The following IMPG1 variants were observed in gnomAD, a reference collection of about 807,000 sequenced individuals.
IMPG1 encodes the protein interphotoreceptor matrix proteoglycan of 150 kDa.
IMPG1 carries 85 observed loss-of-function variants against 92.0 expected under a neutral mutation model. That is an observed-to-expected ratio of 0.92 (90% CI 0.78 to 1.11). IMPG1 has a LOEUF of 1.11. Ranked by LOEUF, IMPG1 falls within the 50% of genes least tolerant of loss-of-function variation. IMPG1 has a pLI of 0.00. For synonymous variants in IMPG1, 367 were observed against 334.1 expected, an observed-to-expected ratio of 1.10 and a Z score of -1.08; for missense variants, 1,022 against 956.0, an observed-to-expected ratio of 1.07 and a Z score of -0.91.
At chr6:75,930,097 A>G (rs1001539254) in intron 15 of IMPG1, among the ~76,000 whole-genome samples, 6 of 152,216 alleles carry the variant, frequency 3.9e-5, no homozygotes, top group Non-Finnish European at 7.3e-5. Context: ...TCATAAGGCC[A>G]CCTTCATAAC....
In IMPG1 at chr6:76,072,452, A is replaced by G. The variant is rs1188676763; in HGVS notation, c.37T>C (p.Trp13Arg). The change falls in exon 1 of 17, where the codon TGG becomes CGG. Residue 13 changes from tryptophan to arginine, a missense_variant. By Grantham distance (101) the Trp-to-Arg change is moderately radical. Coordinates refer to ENST00000369950, the MANE Select transcript of IMPG1 (RefSeq NM_001563.4). ...LETRRAIFVF[W>R]IFLQVQGTKD... Reference sequence around the variant, plus strand: ...GTTCCTTGAACTTGGAGAAAAATCCAAAAAACAAAAATAGCTCTTCTAGTT... The same window carrying G: ...GTTCCTTGAACTTGGAGAAAAATCCGAAAAACAAAAATAGCTCTTCTAGTT... 1.3e-6 allele frequency: 2 copies of G among 1,598,620 alleles called. No homozygotes were observed. The highest frequency in any genetic ancestry group is 2.2e-5 in the South Asian group (2 of 89,476).
chr6:75,993,142 G>GGTGTTGTTAATTAGTTATTAACAACTAT (rs1252488987), intron 12 of IMPG1, among the ~76,000 whole-genome samples: 8 of 151,970 alleles, frequency 5.3e-5, no homozygotes, highest in Admixed American at 2.0e-4. Context: ...TGGAAATTCT[G>GGTGTTGTTAATTAGTTATTAACAACTAT]GTGTTGTTAA....
chr6:76,043,429 G>A (rs534829457), intron 1 of IMPG1, among the ~76,000 whole-genome samples: 86 of 152,252 alleles, frequency 5.6e-4, no homozygotes, highest in African/African-American at 1.8e-3. Context: ...GGTGGAGAAA[G>A]TCCGCCTGGG....
chr6:75,992,104 A>T (rs1782821934), intron 12 of IMPG1, among the ~76,000 whole-genome samples: 1 of 152,218 alleles, frequency 6.6e-6, no homozygotes, highest in African/African-American at 2.4e-5. Flanking sequence ...CCTCAATAGG[A>T]AAAAGACTGA....
Position 75,974,401 on chromosome 6 carries a change from T to TTCCTTCCTTGC in IMPG1, c.1292-23308_1292-23307insGCAAGGAAGGA, listed in dbSNP as rs59220395. 2.5e-3 allele frequency among the ~76,000 whole-genome samples: 233 copies of TTCCTTCCTTGC among 92,818 alleles called. 7 individuals are homozygous for TTCCTTCCTTGC. Among genetic ancestry groups the TTCCTTCCTTGC allele is most frequent in the Middle Eastern group, 4.8e-3 (1 of 208 alleles). 60.9% of individuals were successfully genotyped at this position (92,818 alleles called of 152,430 possible). ...TTTCTTTCTTTCTTTCTTTTCTTTC[T>TTCCTTCCTTGC]TTCCTTCCTTCCTTCCTTCCTTCCT... On this transcript the variant is annotated intron_variant, in intron 12 of 16. Transcript: ENST00000369950.
rs537076957 is a variant in IMPG1 at position 76,068,054 on chromosome 6, G to A, written c.67+4368C>T. On this transcript the variant is annotated intron_variant, in intron 1 of 16. Transcript: ENST00000369950. Reference sequence around the variant, plus strand: ...AACATACCTCAAAATAATTAAAGCCGTGTATGACAAACCCACAGCTAACAT... The same window carrying A: ...AACATACCTCAAAATAATTAAAGCCATGTATGACAAACCCACAGCTAACAT... 3.3e-5 allele frequency among the ~76,000 whole-genome samples: 5 copies of A among 152,148 alleles called. No individual in the cohort carries two copies. In the East Asian group the frequency reaches 9.7e-4, roughly 29 times the overall value.
chr6:75,944,641 T>C (rs865786708), intron 14 of IMPG1, among the ~76,000 whole-genome samples: 1 of 152,228 alleles, frequency 6.6e-6, no homozygotes, highest in Admixed American at 6.5e-5. Context: ...ATTTTGTCAC[T>C]CTCCAGGTAT....
chr6:76,011,372 T>C (rs1783181868), intron 7 of IMPG1, 148 bp from the exon 8 acceptor site: 1 of 528,210 alleles, frequency 1.9e-6, no homozygotes, highest in African/African-American at 2.0e-5. Flanking sequence ...ACTCTCCAAA[T>C]TGATCAGATG....
At chr6:76,016,919 T>G (rs1355553988) in intron 7 of IMPG1, among the ~76,000 whole-genome samples, 2 of 150,528 alleles carry the variant, frequency 1.3e-5, no homozygotes, top group African/African-American at 4.9e-5. Context: ...GAGGAAGGAG[T>G]AGAGATAGCA....
intron 10 of IMPG1, among the ~76,000 whole-genome samples, chr6:76,004,340 A>G (rs975891713): frequency 7.9e-5 from 12 of 152,196 alleles, no homozygotes; most frequent in Admixed American, 7.2e-4. Context: ...CAAACTTTCA[A>G]CCTAAAGCCT....
At chr6:75,987,070 C>T (rs1028186750) in intron 12 of IMPG1, among the ~76,000 whole-genome samples, 3 of 152,128 alleles carry the variant, frequency 2.0e-5, no homozygotes, top group Non-Finnish European at 4.4e-5. Flanking sequence ...TTCCATTTTC[C>T]ATATTGAATA....
chr6:75,937,070 A>C (rs1781759172), intron 14 of IMPG1, among the ~76,000 whole-genome samples: 1 of 152,112 alleles, frequency 6.6e-6, no homozygotes, highest in South Asian at 2.1e-4. Flanking sequence ...CAGGAGGCAA[A>C]GGGCCAGCAG....
intron 1 of IMPG1, among the ~76,000 whole-genome samples, chr6:76,069,837 G>A (rs1784377446): frequency 6.6e-6 from 1 of 152,112 alleles, no homozygotes; most frequent in East Asian, 1.9e-4. Context: ...GCAACAACAT[G>A]AATAAAGCTG....
At chr6:76,069,781 A>G (rs1168801405) in intron 1 of IMPG1, among the ~76,000 whole-genome samples, 1 of 152,150 alleles carries the variant, frequency 6.6e-6, no homozygotes, top group African/African-American at 2.4e-5. Flanking sequence ...ACACCATAAA[A>G]TACTTTGCAG....
At chr6:76,002,206 C>T (rs1364211805) in intron 12 of IMPG1, among the ~76,000 whole-genome samples, 2 of 152,118 alleles carry the variant, frequency 1.3e-5, no homozygotes, top group African/African-American at 4.8e-5. Context: ...AATAGGGGTT[C>T]TTGGAGCCAC....
intron 1 of IMPG1, among the ~76,000 whole-genome samples, chr6:76,052,113 G>C (rs975763535): frequency 1.3e-5 from 2 of 152,186 alleles, no homozygotes; most frequent in African/African-American, 4.8e-5. Context: ...GTTGAAGGGA[G>C]AGGTGGAAAA....
chr6:76,056,140 T>A (rs1412376950), intron 1 of IMPG1, among the ~76,000 whole-genome samples: 1 of 152,106 alleles, frequency 6.6e-6, no homozygotes, highest in Non-Finnish European at 1.5e-5. Flanking sequence ...ATGACCCAGT[T>A]TGATTTATCT....
chr6:76,043,568 C>T (rs192033813), intron 1 of IMPG1, among the ~76,000 whole-genome samples: 1 of 152,280 alleles, frequency 6.6e-6, no homozygotes, highest in Admixed American at 6.5e-5. Flanking sequence ...CCCAGCGACA[C>T]ACTAGACCCA....
intron 12 of IMPG1, among the ~76,000 whole-genome samples, chr6:75,967,514 G>C (rs34819289): frequency 0.03 from 4,639 of 152,114 alleles, 94 homozygotes; most frequent in Non-Finnish European, 0.046. Flanking sequence ...CCTTGATTTT[G>C]TACTCCCATG....
Sources: gnomAD v4.1 joint callset for allele counts (sites outside exome capture counted in the v4.1 genomes callset) on GRCh38, gnomAD v4.1.1 for gene constraint, MANE v1.5 for transcripts, NCBI Gene and HGNC (gene_info 2026-07-23, HGNC 2026-07-21) for gene names.